TRAPPC9: variants seen among roughly 807,000 people sequenced by gnomAD.
TRAPPC9 encodes IKK2 binding protein.
Under a neutral mutation model 124.0 loss-of-function variants are expected in TRAPPC9, and 83 were observed. The observed-to-expected ratio is 0.67, with a 90% CI of 0.56 to 0.80. The LOEUF (loss-of-function observed/expected upper bound fraction) is 0.80. TRAPPC9 is among the 30% of genes least tolerant of loss of function. The probability of loss-of-function intolerance (pLI) is 0.00; values close to 1 mark genes in which losing one functional copy is unlikely to be tolerated. For synonymous variants in TRAPPC9, 638 were observed against 617.5 expected (o/e 1.03, Z -0.49); for missense variants, 1,302 against 1,508.3 (o/e 0.86, Z 2.27).
chr8:140,300,345 A>G, intron 11 of TRAPPC9, 124 bp downstream of exon 11: 1 of 1,218,916 alleles, frequency 8.2e-7, no homozygotes, highest in Non-Finnish European at 1.2e-6. Flanking sequence ...ATGCGTGCAC[A>G]CATCCACGCA....
intron 21 of TRAPPC9, among the ~76,000 whole-genome samples, chr8:139,782,318 T>C (rs1382692971): frequency 6.6e-6 from 1 of 152,180 alleles, no homozygotes; most frequent in Non-Finnish European, 1.5e-5. Flanking sequence ...AAGTGGAGGT[T>C]GCAGTGAGCA....
chr8:140,455,801 A>G (rs1312569081), intron 1 of TRAPPC9, among the ~76,000 whole-genome samples: 1 of 152,236 alleles, frequency 6.6e-6, no homozygotes, highest in Non-Finnish European at 1.5e-5. Flanking sequence ...GATACACAAA[A>G]TGTTAAATCT....
chr8:140,355,365 C>T (rs2067708885), intron 9 of TRAPPC9, among the ~76,000 whole-genome samples: 1 of 152,192 alleles, frequency 6.6e-6, no homozygotes. Context: ...ATCACAGCTC[C>T]TCCTCTCTTT....
At chr8:140,346,032 T>C (rs2067339474) in intron 9 of TRAPPC9, among the ~76,000 whole-genome samples, 1 of 152,218 alleles carries the variant, frequency 6.6e-6, no homozygotes, top group African/African-American at 2.4e-5. Context: ...CAAAGGGGCT[T>C]ACGGGACTGG....
At chr8:139,875,986 G>A (rs1214195347) in intron 21 of TRAPPC9, among the ~76,000 whole-genome samples, 3 of 152,266 alleles carry the variant, frequency 2.0e-5, no homozygotes, top group East Asian at 3.8e-4. Context: ...CACCATCGGT[G>A]CGGCTGTCCT....
intron 17 of TRAPPC9, among the ~76,000 whole-genome samples, chr8:140,126,427 T>C (rs1484748289): frequency 6.6e-6 from 1 of 152,054 alleles, no homozygotes; most frequent in Non-Finnish European, 1.5e-5. Context: ...GTCAAGGAGT[T>C]CTCTCAAGGA....
intron 13 of TRAPPC9, among the ~76,000 whole-genome samples, chr8:140,286,307 C>T (rs549697862): frequency 6.6e-6 from 1 of 152,288 alleles, no homozygotes; most frequent in South Asian, 2.1e-4. Flanking sequence ...GGCTCCAGAG[C>T]AACACTTAAG....
At chr8:140,328,724 T>A (rs906137541) in intron 9 of TRAPPC9, among the ~76,000 whole-genome samples, 1 of 151,642 alleles carries the variant, frequency 6.6e-6, no homozygotes, top group African/African-American at 2.4e-5. Flanking sequence ...TGGAAATAAT[T>A]TTTTTTTTAA....
At chr8:139,959,399 A>G (rs1835227204) in intron 19 of TRAPPC9, among the ~76,000 whole-genome samples, 1 of 152,190 alleles carries the variant, frequency 6.6e-6, no homozygotes, top group African/African-American at 2.4e-5. Flanking sequence ...GAAAGCTTGT[A>G]AAATAGGTCA....
chr8:140,183,423 C>T (rs181297618), intron 17 of TRAPPC9, among the ~76,000 whole-genome samples: 15 of 152,364 alleles, frequency 9.8e-5, no homozygotes, highest in African/African-American at 3.6e-4. Context: ...GAGATGAATG[C>T]TATTAAAAAC....
intron 17 of TRAPPC9, among the ~76,000 whole-genome samples, chr8:140,128,651 A>G (rs1329591476): frequency 6.6e-6 from 1 of 152,232 alleles, no homozygotes; most frequent in Admixed American, 6.5e-5. Flanking sequence ...GGGGATTATC[A>G]GTGCTACACT....
At chr8:140,275,030 C>T (rs1446778779) in intron 15 of TRAPPC9, among the ~76,000 whole-genome samples, 7 of 152,208 alleles carry the variant, frequency 4.6e-5, no homozygotes, top group African/African-American at 1.7e-4. Flanking sequence ...TTTCCCTCCT[C>T]CTATACAATA....
intron 21 of TRAPPC9, among the ~76,000 whole-genome samples, chr8:139,827,556 G>C (rs1018523459): frequency 4.6e-5 from 7 of 152,184 alleles, no homozygotes; most frequent in Non-Finnish European, 7.3e-5. Context: ...ACAAAGAGGA[G>C]GTCAGGCAGT....
Position 140,223,674 on chromosome 8 carries a change from G to T in TRAPPC9, c.2432-2091C>A, listed in dbSNP as rs541941258. Reference sequence around the variant, plus strand: ...AAATTCGCAATAACTTAGGCCCATGGCCCTATGCCTAATATCTCTTTGCAA... The same window carrying T: ...AAATTCGCAATAACTTAGGCCCATGTCCCTATGCCTAATATCTCTTTGCAA... On this transcript the variant is annotated intron_variant, in intron 16 of 22. Transcript: ENST00000438773. Among the ~76,000 whole-genome samples, 4 of 151,970 alleles carry T rather than the reference G, an allele frequency of 2.6e-5. No individual in the cohort carries two copies. The East Asian group carries it at 5.8e-4, about 22-fold the overall frequency.
intron 5 of TRAPPC9, among the ~76,000 whole-genome samples, chr8:140,423,970 G>C (rs1049829025): frequency 1.3e-5 from 2 of 152,178 alleles, no homozygotes; most frequent in South Asian, 4.1e-4. Context: ...TGGGGGTAAG[G>C]GAAGGACATA....
chr8:140,255,841 G>A lies in TRAPPC9; in HGVS notation c.2279-2912C>T, dbSNP rs139418306. On this transcript the variant is annotated intron_variant, in intron 15 of 22. Coordinates refer to ENST00000438773, the MANE Select transcript of TRAPPC9 (RefSeq NM_001160372.4). ...GTGGAGGTTGCAGTGAGTCAAGGTC[G>A]CGCCACTACACTCCAGCCTGGGCAA... 2.9e-3 allele frequency among the ~76,000 whole-genome samples: 440 copies of A among 152,250 alleles called. 1 individual carries two copies. The highest frequency in any genetic ancestry group is 9.4e-3 in the African/African-American group (391 of 41,564).
At chr8:139,899,501 AGAG>A (rs1345982772) in intron 20 of TRAPPC9, among the ~76,000 whole-genome samples, 1 of 152,212 alleles carries the variant, frequency 6.6e-6, no homozygotes, top group Non-Finnish European at 1.5e-5. Context: ...AAGAGCAGGA[AGAG>A]GAGGCACTGG....
At chr8:140,047,318 C>T (rs1318218614) in intron 17 of TRAPPC9, among the ~76,000 whole-genome samples, 5 of 152,210 alleles carry the variant, frequency 3.3e-5, no homozygotes, top group South Asian at 2.1e-4. Flanking sequence ...CTGCAGTGCA[C>T]GGGGGACAGC....
At chr8:140,035,711 C>T (rs1023782988) in intron 17 of TRAPPC9, among the ~76,000 whole-genome samples, 5 of 152,328 alleles carry the variant, frequency 3.3e-5, no homozygotes, top group South Asian at 2.1e-4. Flanking sequence ...AAGCCACAAT[C>T]GCCAGGCCCT....
Sources: allele counts gnomAD v4.1 joint callset (sites outside exome capture counted in the v4.1 genomes callset), GRCh38; gene constraint gnomAD v4.1.1; transcripts MANE v1.5; gene names NCBI Gene and HGNC (gene_info 2026-07-23, HGNC 2026-07-21).